ATP2B2: variants seen among roughly 807,000 people sequenced by gnomAD.
ATP2B2 encodes the protein plasma membrane calcium-transporting ATPase 2.
Under a neutral mutation model 120.0 loss-of-function variants are expected in ATP2B2, and 15 were observed. That is an observed-to-expected ratio of 0.12 (90% CI 0.08 to 0.19). The LOEUF is 0.19. Ranked by LOEUF, ATP2B2 falls within the 10% of genes least tolerant of loss-of-function variation. ATP2B2 has a pLI of 1.00. For synonymous variants in ATP2B2, 694 were observed against 700.3 expected, an observed-to-expected ratio of 0.99 and a Z score of 0.14; for missense variants, 1,045 against 1,719.8, an observed-to-expected ratio of 0.61 and a Z score of 6.94.
chr3:10,641,505 T>C (rs2070170867), intron 1 of ATP2B2, among the ~76,000 whole-genome samples: 1 of 152,256 alleles, frequency 6.6e-6, no homozygotes, highest in Non-Finnish European at 1.5e-5. Flanking sequence ...ACTCTCTGAT[T>C]TTTAAATACT....
At chr3:10,337,451 C>T (rs1292613930) in intron 22 of ATP2B2, among the ~76,000 whole-genome samples, 1 of 152,172 alleles carries the variant, frequency 6.6e-6, no homozygotes, top group African/African-American at 2.4e-5. Context: ...TTGTGAGCTA[C>T]AACACCTGCT....
At chr3:10,688,400 A>T (rs2071575580) in intron 1 of ATP2B2, among the ~76,000 whole-genome samples, 2 of 151,918 alleles carry the variant, frequency 1.3e-5, no homozygotes, top group African/African-American at 4.8e-5. Flanking sequence ...CTGCACATTG[A>T]CTCTCCAGAG....
chr3:10,363,804 T>C (rs1048603317), intron 12 of ATP2B2, among the ~76,000 whole-genome samples: 1 of 152,190 alleles, frequency 6.6e-6, no homozygotes, highest in African/African-American at 2.4e-5. Context: ...ACAGCCACTA[T>C]GGAAAACAGT....
At chr3:10,579,006 A>T (rs1348640320) in intron 2 of ATP2B2, among the ~76,000 whole-genome samples, 1 of 152,180 alleles carries the variant, frequency 6.6e-6, no homozygotes, top group East Asian at 1.9e-4. Context: ...AAACAGAGGT[A>T]AAAATTCACC....
intron 2 of ATP2B2, among the ~76,000 whole-genome samples, chr3:10,579,810 G>C (rs1575519339): frequency 6.8e-6 from 1 of 146,326 alleles, no homozygotes; most frequent in East Asian, 2.1e-4. Context: ...ACTCCGTCTT[G>C]AAAACAAAAC....
chr3:10,331,852 G>A (rs2059989825), intron 22 of ATP2B2: 1 of 836,000 alleles, frequency 1.2e-6, no homozygotes, highest in Non-Finnish European at 1.8e-6. Flanking sequence ...TTGTCAGAGG[G>A]CTCTGAGAAA....
At chr3:10,510,593 G>A (rs950713608) in intron 3 of ATP2B2, among the ~76,000 whole-genome samples, 1 of 152,232 alleles carries the variant, frequency 6.6e-6, no homozygotes, top group African/African-American at 2.4e-5. Context: ...CACCTGTGTG[G>A]GGCAGGTGAG....
chr3:10,495,615 A>C (rs985835328), intron 1 of ATP2B2, among the ~76,000 whole-genome samples: 2 of 152,180 alleles, frequency 1.3e-5, no homozygotes, highest in Non-Finnish European at 2.9e-5. Flanking sequence ...CTCAGCTCAG[A>C]ATTTCCTTCC....
intron 1 of ATP2B2, among the ~76,000 whole-genome samples, chr3:10,633,959 G>A (rs572197294): frequency 7.2e-4 from 109 of 152,292 alleles, no homozygotes; most frequent in South Asian, 1.0e-3. Flanking sequence ...TAAGACTTCC[G>A]CTCAAAGGAT....
At chr3:10,467,065 G>A (rs1246857896) in intron 1 of ATP2B2, among the ~76,000 whole-genome samples, 4 of 152,220 alleles carry the variant, frequency 2.6e-5, no homozygotes, top group Non-Finnish European at 5.9e-5. Context: ...GGTTGGGCTA[G>A]ATGGCTTCTA....
chr3:10,486,814 G>A (rs948066762), intron 1 of ATP2B2, among the ~76,000 whole-genome samples: 2 of 152,106 alleles, frequency 1.3e-5, no homozygotes, highest in Non-Finnish European at 2.9e-5. Context: ...CCACCTCCTG[G>A]GTTCAAGCAA....
intron 22 of ATP2B2, among the ~76,000 whole-genome samples, chr3:10,335,629 G>T (rs2060095347): frequency 1.3e-5 from 2 of 152,200 alleles, no homozygotes; most frequent in South Asian, 4.1e-4. Context: ...GACTGACTGG[G>T]ACCCTAAGGG....
intron 12 of ATP2B2, among the ~76,000 whole-genome samples, chr3:10,364,729 T>A (rs984142615): frequency 1.3e-5 from 2 of 151,506 alleles, no homozygotes; most frequent in Non-Finnish European, 2.9e-5. Flanking sequence ...AAAATAATAA[T>A]AATAAAAATA....
chr3:10,466,429 G>A (rs368999656), intron 1 of ATP2B2, among the ~76,000 whole-genome samples: 11 of 152,244 alleles, frequency 7.2e-5, no homozygotes, highest in African/African-American at 1.4e-4. Flanking sequence ...TGTGCATTTC[G>A]GAAATAAGAC....
At chr3:10,632,417 C>A (rs1035319044) in intron 1 of ATP2B2, among the ~76,000 whole-genome samples, 2 of 152,106 alleles carry the variant, frequency 1.3e-5, no homozygotes, top group African/African-American at 4.8e-5. Flanking sequence ...CTCTATGGGG[C>A]CTTTACGTGT....
chr3:10,504,751 T>C (rs1477807126), intron 1 of ATP2B2, among the ~76,000 whole-genome samples: 1 of 152,102 alleles, frequency 6.6e-6, no homozygotes, highest in Non-Finnish European at 1.5e-5. Flanking sequence ...ATCCCTCAGC[T>C]GGAGACCACT....
At chr3:10,341,261 T>C (rs960746928) in intron 19 of ATP2B2, among the ~76,000 whole-genome samples, 3 of 152,196 alleles carry the variant, frequency 2.0e-5, no homozygotes, top group African/African-American at 7.2e-5. Context: ...AGGGCACTGC[T>C]GTGTAGACGC....
At chr3:10,621,941 G>A (rs2069562781) in intron 1 of ATP2B2, among the ~76,000 whole-genome samples, 1 of 152,246 alleles carries the variant, frequency 6.6e-6, no homozygotes, top group Non-Finnish European at 1.5e-5. Flanking sequence ...GCCCCATTAA[G>A]CTTTATCTGG....
At chr3:10,619,230 G>C (rs1254899061) in intron 2 of ATP2B2, among the ~76,000 whole-genome samples, 1 of 152,178 alleles carries the variant, frequency 6.6e-6, no homozygotes, top group Non-Finnish European at 1.5e-5. Flanking sequence ...GGGACACCAT[G>C]ATGGTGAGGG....
Sources: gnomAD v4.1 joint callset for allele counts (sites outside exome capture counted in the v4.1 genomes callset) on GRCh38, gnomAD v4.1.1 for gene constraint, MANE v1.5 for transcripts, NCBI Gene and HGNC (gene_info 2026-07-23, HGNC 2026-07-21) for gene names.